Variants in CACNA1B observed in about 807,000 individuals in gnomAD.
The protein encoded by CACNA1B is calcium voltage-gated channel subunit alpha1 B.
CACNA1B carries 70 observed loss-of-function variants against 247.2 expected under a neutral mutation model. The ratio of observed to expected loss-of-function variants is 0.28; its 90% CI spans 0.23 to 0.35. The LOEUF is 0.35. Among genes scored for constraint, CACNA1B ranks in the 10% least tolerant of loss-of-function variants. The pLI, the probability that CACNA1B is intolerant of heterozygous loss-of-function variation, is 1.00. For missense variants in CACNA1B, 2,367 were observed against 3,197.4 expected, an observed-to-expected ratio of 0.74 and a Z score of 6.26; for synonymous variants, 1,231 against 1,294.4, an observed-to-expected ratio of 0.95 and a Z score of 1.05.
chr9:138,043,868 C>T lies in CACNA1B; in HGVS notation c.3381C>T (p.Tyr1127=), dbSNP rs1296425815. 1.5e-5 allele frequency: 24 copies of T among 1,614,046 alleles called. No individual in the cohort carries two copies. The highest frequency in any genetic ancestry group is 1.9e-5 in the Non-Finnish European group (23 of 1,179,898). The change falls in exon 21 of 47, where the codon TAC becomes TAT. Residue 1127 remains tyrosine, a synonymous_variant. Transcript: ENST00000371372. ...GCGGCCCCCGGCCTATCGTCCCATA[C>T]AGCTCCATGTTCTGTTTAAGCCCCA... ...MRSGPRPIVP[Y]SSMFCLSPTN...
At chr9:137,932,162 T>C (rs1957615562) in intron 6 of CACNA1B, among the ~76,000 whole-genome samples, 1 of 152,216 alleles carries the variant, frequency 6.6e-6, no homozygotes, top group South Asian at 2.1e-4. Flanking sequence ...GGGCAGTGTC[T>C]TCTGAGCTTT....
intron 3 of CACNA1B, chr9:137,892,149 G>C (rs1209795224): frequency 6.6e-6 from 3 of 456,870 alleles, no homozygotes; most frequent in Admixed American, 4.7e-5. Context: ...CTACTGACAG[G>C]CTCATTCCCT....
In CACNA1B at chr9:137,888,524, AAC is replaced by A. The variant is rs762808556; in HGVS notation, c.530+5645_530+5646del. ...CCATGGCCCTTGGGGACATCAGAGA[AAC>A]ACATCCTGGCTCAGGCAGGTGGCTC... On this transcript the variant is annotated intron_variant, in intron 3 of 46. Coordinates refer to ENST00000371372, the MANE Select transcript of CACNA1B (RefSeq NM_000718.4). This position sits in a 1 kb window ranked among gnomAD's most constrained non-coding sequence, Gnocchi z 4.7. Among the ~76,000 whole-genome samples, 2 of 152,162 alleles carry A rather than the reference AAC, an allele frequency of 1.3e-5. No individual in the cohort carries two copies. Among genetic ancestry groups the A allele is most frequent in the Non-Finnish European group, 2.9e-5 (2 of 68,016 alleles).
chr9:137,905,285 G>A (rs1245502140), intron 3 of CACNA1B, among the ~76,000 whole-genome samples: 6 of 151,638 alleles, frequency 4.0e-5, no homozygotes, highest in East Asian at 1.9e-4. Context: ...CCCAGGAGGC[G>A]GAGCTTGCAG....
intron 15 of CACNA1B, among the ~76,000 whole-genome samples, chr9:137,993,239 CA>C (rs1302158797): frequency 6.6e-6 from 1 of 151,844 alleles, no homozygotes; most frequent in Non-Finnish European, 1.5e-5. Flanking sequence ...ATAAATTGAA[CA>C]AAAAGCTGGT....
rs145386807 is a variant in CACNA1B at position 138,026,324 on chromosome 9, C to T, written c.3286+1152C>T. ...ATGGGCACAAGTGAGTCTGCCTGCC[C>T]AGCTCCCTCACCTGATTCTCTGTGG... On this transcript the variant is annotated intron_variant, in intron 20 of 46. Coordinates refer to ENST00000371372, the MANE Select transcript of CACNA1B (RefSeq NM_000718.4). 2.0e-5 allele frequency among the ~76,000 whole-genome samples: 3 copies of T among 152,292 alleles called. No individual in the cohort carries two copies. In the East Asian group the frequency reaches 5.8e-4, roughly 29 times the overall value.
At chr9:137,983,380 G>T (rs1179220435) in intron 12 of CACNA1B, among the ~76,000 whole-genome samples, 2 of 152,154 alleles carry the variant, frequency 1.3e-5, no homozygotes, top group South Asian at 2.1e-4. Flanking sequence ...AGGGAAGGTG[G>T]TAAAGGGTCT....
chr9:138,068,777 C>A, intron 31 of CACNA1B, among the ~76,000 whole-genome samples: 1 of 152,098 alleles, frequency 6.6e-6, no homozygotes, highest in East Asian at 1.9e-4. Context: ...GCCTGGCTGA[C>A]GTCAGAGATG....
At chr9:138,046,764 T>C in intron 21 of CACNA1B, 140 bp from the exon 22 acceptor site, 1 of 755,626 alleles carries the variant, frequency 1.3e-6, no homozygotes. Flanking sequence ...ACAGGGACCA[T>C]TAGCAAAGCG....
intron 3 of CACNA1B, among the ~76,000 whole-genome samples, chr9:137,905,834 A>T (rs1292501739): frequency 6.6e-6 from 1 of 152,230 alleles, no homozygotes; most frequent in African/African-American, 2.4e-5. Flanking sequence ...TTCGCTGAAG[A>T]CACTGTCACC....
At chr9:138,056,750 T>C (rs1959513549) in intron 26 of CACNA1B, among the ~76,000 whole-genome samples, 1 of 152,194 alleles carries the variant, frequency 6.6e-6, no homozygotes, top group African/African-American at 2.4e-5. Context: ...TCCATCTTTT[T>C]AGTTTTGGTA....
chr9:137,948,582 T>C (rs1327966072), intron 6 of CACNA1B, among the ~76,000 whole-genome samples: 1 of 151,372 alleles, frequency 6.6e-6, no homozygotes, highest in Non-Finnish European at 1.5e-5. Flanking sequence ...CAATTCAGAA[T>C]TTCATTTTGG....
In CACNA1B at chr9:138,004,962, A is replaced by G. The variant is rs1230303980; in HGVS notation, c.1975-1805A>G. Reference sequence around the variant, plus strand: ...ATCGTCTCACCCATTTGGGATGGCTATTATCAAAGACAAAATTAACAAATG... The same window carrying G: ...ATCGTCTCACCCATTTGGGATGGCTGTTATCAAAGACAAAATTAACAAATG... On this transcript the variant is annotated intron_variant, in intron 15 of 46. Transcript: ENST00000371372. Among the ~76,000 whole-genome samples the G allele has an allele frequency of 3.9e-5, 6 of 152,332 alleles. No homozygotes were observed. The East Asian group carries it at 5.8e-4, about 15-fold the overall frequency.
At chr9:137,908,080 C>G (rs1210799866) in intron 3 of CACNA1B, among the ~76,000 whole-genome samples, 1 of 152,186 alleles carries the variant, frequency 6.6e-6, no homozygotes, top group East Asian at 1.9e-4. Flanking sequence ...AACAGTAAGT[C>G]TTGGGGAGTG....
At chr9:137,902,796 G>T (rs1274685564) in intron 3 of CACNA1B, among the ~76,000 whole-genome samples, 2 of 152,208 alleles carry the variant, frequency 1.3e-5, no homozygotes, top group Non-Finnish European at 2.9e-5. Flanking sequence ...GCCACCTGGT[G>T]CAGCTGTGCC....
chr9:138,023,591 GCCAAGGGCGAGCGGCGCGCGCGGCA>G lies in CACNA1B; in HGVS notation c.2851_2875del (p.Lys951AlafsTer50). 1.8e-6 allele frequency: 2 copies of G among 1,085,650 alleles called. No homozygotes were observed. Among genetic ancestry groups the G allele is most frequent in the Non-Finnish European group, 1.1e-6 (1 of 892,284 alleles). 67.3% of individuals were successfully genotyped at this position (1,085,650 alleles called of 1,614,324 possible). On this transcript the variant is annotated frameshift_variant, in exon 19 of 47. Coordinates refer to ENST00000371372, the MANE Select transcript of CACNA1B (RefSeq NM_000718.4). LOFTEE classifies it high-confidence loss of function. ...GGATCCGAGCAAGGAGTGCGCCGGC[GCCAAGGGCGAGCGGCGCGCGCGGCA>G]CCGCGGCGGCCCCCGAGCGGGGCCC... is the stretch of plus-strand genomic sequence containing the variant.
chr9:138,008,899 G>A (rs1958688503), intron 16 of CACNA1B, among the ~76,000 whole-genome samples: 2 of 152,244 alleles, frequency 1.3e-5, no homozygotes, highest in Admixed American at 1.3e-4. Context: ...GGATTGCCCA[G>A]CCCCAAATGC....
intron 24 of CACNA1B, chr9:138,049,943 T>A: frequency 1.9e-6 from 1 of 525,320 alleles, no homozygotes; most frequent in South Asian, 1.6e-5. Context: ...TGGGGTGAGA[T>A]CCAGAGACAA....
intron 31 of CACNA1B, among the ~76,000 whole-genome samples, chr9:138,068,089 A>G (rs1336940743): frequency 6.6e-6 from 1 of 152,222 alleles, no homozygotes; most frequent in Non-Finnish European, 1.5e-5. Flanking sequence ...GTTTTTGGTC[A>G]GAGCATAGGT....
Sources: gnomAD v4.1 joint callset for allele counts (sites outside exome capture counted in the v4.1 genomes callset) on GRCh38, gnomAD v4.1.1 for gene constraint, Gnocchi (gnomAD v3.1) non-coding constraint, MANE v1.5 for transcripts, NCBI Gene and HGNC (gene_info 2026-07-23, HGNC 2026-07-21) for gene names.